Variants in MRPS28 observed in about 807,000 individuals in gnomAD.
MRPS28 encodes the protein small ribosomal subunit protein bS1m.
A neutral mutation model predicts 10.8 loss-of-function variants in MRPS28; 7 were observed. The ratio of observed to expected loss-of-function variants is 0.65; its 90% CI spans 0.37 to 1.22. The LOEUF (loss-of-function observed/expected upper bound fraction) is 1.22. Among genes scored for constraint, MRPS28 ranks in the 50% most tolerant of loss-of-function variants. The pLI is 0.02. For synonymous variants in MRPS28, 121 were observed against 93.3 expected (o/e 1.30, Z -1.71); for missense variants, 265 against 232.9 (o/e 1.14, Z -0.90).
chr8:79,953,019 A>G (rs1807117202), intron 2 of MRPS28, among the ~76,000 whole-genome samples: 1 of 152,156 alleles, frequency 6.6e-6, no homozygotes, highest in Non-Finnish European at 1.5e-5. Context: ...CATGGAGCTG[A>G]AGTCAGTGCA....
chr8:79,946,240 A>C (rs1806915509), intron 2 of MRPS28, among the ~76,000 whole-genome samples: 1 of 152,116 alleles, frequency 6.6e-6, no homozygotes, highest in African/African-American at 2.4e-5. Flanking sequence ...CTATGGCAAT[A>C]ATCTGTTATC....
At chr8:79,922,961 T>G (rs1270083667) in intron 2 of MRPS28, among the ~76,000 whole-genome samples, 2 of 152,050 alleles carry the variant, frequency 1.3e-5, no homozygotes, top group African/African-American at 2.4e-5. Flanking sequence ...CACATAATAT[T>G]TGGGTGTTCT....
At chr8:79,987,876 G>A (rs925124822) in intron 2 of MRPS28, among the ~76,000 whole-genome samples, 1 of 152,148 alleles carries the variant, frequency 6.6e-6, no homozygotes, top group Non-Finnish European at 1.5e-5. Flanking sequence ...ATTCCTCAGG[G>A]ATCTAGAACT....
At chr8:79,966,406 T>C (rs1251457014) in intron 2 of MRPS28, among the ~76,000 whole-genome samples, 1 of 152,078 alleles carries the variant, frequency 6.6e-6, no homozygotes, top group Non-Finnish European at 1.5e-5. Flanking sequence ...TCCACCATCG[T>C]AATGATTTTA....
At chr8:79,987,843 C>T (rs190128016) in intron 2 of MRPS28, among the ~76,000 whole-genome samples, 122 of 152,246 alleles carry the variant, frequency 8.0e-4, no homozygotes, top group Admixed American at 3.1e-3. Context: ...ACTAGTTTAA[C>T]CATTGTGGAA....
In MRPS28 at chr8:80,030,034, ACCTTCTGT is replaced by A. The variant is rs763075236; in HGVS notation, c.207_213+1del. The A allele has an allele frequency of 6.2e-7, 1 of 1,612,170 alleles. No individual in the cohort carries two copies. The highest frequency in any genetic ancestry group is 2.2e-5 in the East Asian group (1 of 44,824). ...ACTCCCTCTCACCCGCCCGGGCTCC[ACCTTCTGT>A]AGGGGCTCCACCTTCTGTAGAAGCT... On this transcript the variant is annotated splice_donor_variant and coding_sequence_variant, in exon 1 of 3. Transcript: ENST00000276585. LOFTEE classifies it high-confidence loss of function.
intron 1 of MRPS28, among the ~76,000 whole-genome samples, chr8:80,013,556 C>A (rs1453790267): frequency 1.4e-5 from 2 of 147,126 alleles, no homozygotes; most frequent in Non-Finnish European, 3.0e-5. Context: ...ATCACTTGAA[C>A]CCAGGAGGTG....
At chr8:80,010,167 C>T (rs763185455) in intron 1 of MRPS28, among the ~76,000 whole-genome samples, 2 of 151,938 alleles carry the variant, frequency 1.3e-5, no homozygotes, top group African/African-American at 2.4e-5. Context: ...TTTCCAAATC[C>T]GTGAACACAG....
intron 2 of MRPS28, among the ~76,000 whole-genome samples, chr8:79,920,203 G>C (rs1234084320): frequency 2.0e-5 from 3 of 151,994 alleles, no homozygotes; most frequent in Admixed American, 6.6e-5. Context: ...TTGGACATTT[G>C]GGTTGGTTCC....
At chr8:80,025,691 C>T (rs1011180941) in intron 1 of MRPS28, among the ~76,000 whole-genome samples, 1 of 152,076 alleles carries the variant, frequency 6.6e-6, no homozygotes, top group African/African-American at 2.4e-5. Context: ...AAGTATCAGG[C>T]ACTTGTGTTA....
At chr8:80,012,950 G>A (rs1424484708) in intron 1 of MRPS28, among the ~76,000 whole-genome samples, 2 of 152,138 alleles carry the variant, frequency 1.3e-5, no homozygotes, top group Admixed American at 6.5e-5. Flanking sequence ...ACTACCTCAA[G>A]TTTTACATGA....
At chr8:80,023,953 G>A (rs991178828) in intron 1 of MRPS28, among the ~76,000 whole-genome samples, 4 of 152,240 alleles carry the variant, frequency 2.6e-5, no homozygotes, top group Non-Finnish European at 5.9e-5. Context: ...GGACGGCCTG[G>A]TGTGGTGGCT....
intron 1 of MRPS28, among the ~76,000 whole-genome samples, chr8:80,010,121 CT>C (rs1445452338): frequency 6.6e-6 from 1 of 152,102 alleles, no homozygotes; most frequent in Non-Finnish European, 1.5e-5. Flanking sequence ...ACTAATTATT[CT>C]TTTTTTCTTA....
intron 2 of MRPS28, among the ~76,000 whole-genome samples, chr8:79,921,448 T>C (rs1300612097): frequency 6.6e-6 from 1 of 151,282 alleles, no homozygotes; most frequent in Non-Finnish European, 1.5e-5. Flanking sequence ...CATTTGTTTG[T>C]ATCCTCTTTT....
At chr8:79,998,497 T>A (rs574439497) in intron 2 of MRPS28, among the ~76,000 whole-genome samples, 12 of 152,338 alleles carry the variant, frequency 7.9e-5, no homozygotes, top group Admixed American at 3.9e-4. Context: ...TAGCTTAGAT[T>A]CTGAATGCTA....
chr8:80,016,630 G>A (rs1353191894), intron 1 of MRPS28, among the ~76,000 whole-genome samples: 2 of 152,242 alleles, frequency 1.3e-5, no homozygotes, highest in Non-Finnish European at 2.9e-5. Context: ...GCAGAACACA[G>A]AGAAGGAATA....
intron 2 of MRPS28, among the ~76,000 whole-genome samples, chr8:79,981,944 G>A (rs1807966503): frequency 6.6e-6 from 1 of 152,134 alleles, no homozygotes; most frequent in Non-Finnish European, 1.5e-5. Flanking sequence ...TTCTATTTTA[G>A]GTCCAAAGTT....
At chr8:79,962,350 C>T (rs1316843156) in intron 2 of MRPS28, among the ~76,000 whole-genome samples, 1 of 152,084 alleles carries the variant, frequency 6.6e-6, no homozygotes, top group African/African-American at 2.4e-5. Flanking sequence ...CTAAGTAAGC[C>T]CTGCTTACAG....
intron 2 of MRPS28, among the ~76,000 whole-genome samples, chr8:79,963,452 T>C (rs1807422729): frequency 6.6e-6 from 1 of 152,090 alleles, no homozygotes; most frequent in African/African-American, 2.4e-5. Context: ...CTGTTTGCAT[T>C]AACATAGACC....
Sources: gnomAD v4.1 joint callset for allele counts (sites outside exome capture counted in the v4.1 genomes callset) on GRCh38, gnomAD v4.1.1 for gene constraint, MANE v1.5 for transcripts, NCBI Gene and HGNC (gene_info 2026-07-23, HGNC 2026-07-21) for gene names.